The following IFT80 variants were observed in gnomAD, a reference collection of about 807,000 sequenced individuals.
The protein encoded by IFT80 is intraflagellar transport 80, also known as intraflagellar transport protein 80 homolog.
IFT80 carries 79 observed loss-of-function variants against 107.9 expected under a neutral mutation model. That is an observed-to-expected ratio of 0.73 (90% CI 0.61 to 0.88). The LOEUF (loss-of-function observed/expected upper bound fraction) is 0.88. IFT80 is among the 40% of genes least tolerant of loss of function. IFT80 has a pLI of 0.00. For synonymous variants in IFT80, 299 were observed against 300.9 expected (o/e 0.99, Z 0.07); for missense variants, 797 against 914.2 (o/e 0.87, Z 1.65).
intron 8 of IFT80, among the ~76,000 whole-genome samples, chr3:160,323,474 G>T (rs992700217): frequency 6.6e-6 from 1 of 152,092 alleles, no homozygotes; most frequent in African/African-American, 2.4e-5. Context: ...GTAGCATGAT[G>T]CCTCCAGCTT....
At chr3:160,350,680 T>A (rs1315977097) in intron 8 of IFT80, among the ~76,000 whole-genome samples, 1 of 151,898 alleles carries the variant, frequency 6.6e-6, no homozygotes, top group East Asian at 1.9e-4. Context: ...CTGGGCGTGG[T>A]GATGTGCGCG....
At chr3:160,273,175 T>G (rs1713959009) in intron 18 of IFT80, among the ~76,000 whole-genome samples, 2 of 152,216 alleles carry the variant, frequency 1.3e-5, no homozygotes, top group Non-Finnish European at 2.9e-5. Flanking sequence ...TATATAAGTT[T>G]CCTGAGAGTT....
At chr3:160,293,107 G>A (rs1359408181) in intron 12 of IFT80, among the ~76,000 whole-genome samples, 1 of 152,184 alleles carries the variant, frequency 6.6e-6, no homozygotes, top group Non-Finnish European at 1.5e-5. Context: ...AATGGGTTAT[G>A]CAATAAGTAA....
chr3:160,339,688 C>T (rs1012600879), intron 8 of IFT80, among the ~76,000 whole-genome samples: 1 of 151,918 alleles, frequency 6.6e-6, no homozygotes, highest in African/African-American at 2.4e-5. Flanking sequence ...AGTGGGTAAG[C>T]AAAACATAGA....
At chr3:160,388,399 G>A (rs1376978399) in intron 1 of IFT80, among the ~76,000 whole-genome samples, 1 of 151,406 alleles carries the variant, frequency 6.6e-6, no homozygotes, top group Non-Finnish European at 1.5e-5. Flanking sequence ...GAAAAGTACA[G>A]AAAAATATCC....
At chr3:160,346,020 A>C (rs1202340309) in intron 8 of IFT80, among the ~76,000 whole-genome samples, 1 of 152,190 alleles carries the variant, frequency 6.6e-6, no homozygotes, top group African/African-American at 2.4e-5. Flanking sequence ...AAATATCTGC[A>C]CCTACTGTGT....
chr3:160,369,657 T>C (rs1246968752), intron 5 of IFT80, among the ~76,000 whole-genome samples: 2 of 152,032 alleles, frequency 1.3e-5, no homozygotes, highest in African/African-American at 4.8e-5. Flanking sequence ...CATGAATTAT[T>C]CCCAGTGCTA....
chr3:160,260,159 A>T (rs1712700446), intron 19 of IFT80, among the ~76,000 whole-genome samples: 1 of 152,234 alleles, frequency 6.6e-6, no homozygotes, highest in East Asian at 1.9e-4. Context: ...ACAATGCCAT[A>T]TACTTATGTA....
intron 7 of IFT80, among the ~76,000 whole-genome samples, chr3:160,357,145 G>A (rs1446319123): frequency 2.0e-5 from 3 of 152,038 alleles, no homozygotes; most frequent in Non-Finnish European, 4.4e-5. Flanking sequence ...TGTTGCTCAG[G>A]CTGGAATGCA....
intron 5 of IFT80, among the ~76,000 whole-genome samples, chr3:160,371,831 T>C (rs1364893280): frequency 6.6e-6 from 1 of 152,192 alleles, no homozygotes; most frequent in East Asian, 1.9e-4. Context: ...CACTTGAAAA[T>C]AGTGTGGGGA....
At chr3:160,270,426 G>A (rs968884167) in intron 18 of IFT80, among the ~76,000 whole-genome samples, 1 of 152,340 alleles carries the variant, frequency 6.6e-6, no homozygotes, top group Middle Eastern at 3.4e-3. Flanking sequence ...CAAAAATTAT[G>A]AATGTAAGTT....
intron 19 of IFT80, among the ~76,000 whole-genome samples, chr3:160,264,530 C>T (rs553892098): frequency 6.6e-6 from 1 of 151,904 alleles, no homozygotes; most frequent in South Asian, 2.1e-4. Flanking sequence ...TCAAGTGATT[C>T]TCCCACCTAA....
At chr3:160,285,136 C>T (rs932250192) in intron 13 of IFT80, among the ~76,000 whole-genome samples, 1 of 151,788 alleles carries the variant, frequency 6.6e-6, no homozygotes, top group Non-Finnish European at 1.5e-5. Context: ...CTCAGGAGTT[C>T]GAGACCAGCC....
At chr3:160,364,145 T>TA (rs1721693152) in intron 6 of IFT80, among the ~76,000 whole-genome samples, 1 of 151,996 alleles carries the variant, frequency 6.6e-6, no homozygotes, top group Non-Finnish European at 1.5e-5. Context: ...ACAAAGAACT[T>TA]AAACAAATTT....
intron 9 of IFT80, among the ~76,000 whole-genome samples, chr3:160,308,129 A>G (rs1348587320): frequency 2.0e-5 from 3 of 152,158 alleles, no homozygotes; most frequent in Admixed American, 6.6e-5. Context: ...GAAAGATTCT[A>G]TGTGATTTCT....
chr3:160,323,015 T>G (rs1204161096), intron 8 of IFT80, among the ~76,000 whole-genome samples: 1 of 152,094 alleles, frequency 6.6e-6, no homozygotes, highest in East Asian at 1.9e-4. Context: ...TAGTTTCTTT[T>G]GCTGTGCAGA....
chr3:160,330,840 G>A (rs1186236640), intron 8 of IFT80, among the ~76,000 whole-genome samples: 1 of 152,114 alleles, frequency 6.6e-6, no homozygotes, highest in Non-Finnish European at 1.5e-5. Context: ...ATTATTTGAA[G>A]CAAATCCCTA....
chr3:160,277,630 G>A lies in IFT80; in HGVS notation c.1877C>T (p.Ala626Val). Reference protein sequence around the residue: ...MWACLAAMAVANRDMTTAEIA... With the variant: ...MWACLAAMAVVNRDMTTAEIA... ...TTCTGCAGTAGTCATATCTCGATTA[G>A]CAACTGCCATAGCAGCTAGACAAGC... The change falls in exon 17 of 20, where the codon GCT (alanine) becomes GTT (valine). Residue 626 changes from alanine to valine, a missense_variant. Transcript: ENST00000326448. 6.2e-7 allele frequency: 1 copy of A among 1,613,574 alleles called. No individual in the cohort carries two copies. The highest frequency in any genetic ancestry group is 8.5e-7 in the Non-Finnish European group (1 of 1,179,754).
At chr3:160,332,363 G>A (rs1719150110) in intron 8 of IFT80, among the ~76,000 whole-genome samples, 1 of 152,160 alleles carries the variant, frequency 6.6e-6, no homozygotes, top group Non-Finnish European at 1.5e-5. Flanking sequence ...GAGAGAGGGT[G>A]AAACCTTTGG....
Sources: allele counts gnomAD v4.1 joint callset (sites outside exome capture counted in the v4.1 genomes callset), GRCh38; gene constraint gnomAD v4.1.1; transcripts MANE v1.5; gene names NCBI Gene and HGNC (gene_info 2026-07-23, HGNC 2026-07-21).